The following LRCH1 variants were observed in gnomAD, a reference collection of about 807,000 sequenced individuals.
LRCH1 encodes leucine-rich repeat and calponin homology domain-containing protein 1.
In LRCH1, 23 loss-of-function variants were observed where a neutral mutation model predicts 94.9. That is an observed-to-expected ratio of 0.24 (90% CI 0.17 to 0.34). LRCH1 has a LOEUF of 0.34. Among genes scored for constraint, LRCH1 ranks in the 10% least tolerant of loss-of-function variants. LRCH1 has a pLI of 1.00. For synonymous variants in LRCH1, 364 were observed against 354.9 expected, an observed-to-expected ratio of 1.03 and a Z score of -0.29; for missense variants, 790 against 945.9, an observed-to-expected ratio of 0.84 and a Z score of 2.16.
chr13:46,639,039 A>C (rs1052502260), intron 1 of LRCH1, among the ~76,000 whole-genome samples: 1 of 152,236 alleles, frequency 6.6e-6, no homozygotes, highest in Non-Finnish European at 1.5e-5. Context: ...AATCCTGGAA[A>C]AAAACTTTCT....
chr13:46,572,329 G>A (rs7323547), intron 1 of LRCH1, among the ~76,000 whole-genome samples: 24,672 of 152,104 alleles, frequency 0.16, 2,280 homozygotes, highest in African/African-American at 0.25. Context: ...TATGTTTATC[G>A]TCTTATTTGA....
chr13:46,751,760 T>C (rs890860660), exon 19 of LRCH1: 5 of 152,180 alleles, frequency 3.3e-5, no homozygotes, highest in Admixed American at 6.5e-5. Context: ...AAAAAGTTGA[T>C]TGTTGAACCA....
chr13:46,736,653 T>G (rs1873400548), intron 19 of LRCH1, among the ~76,000 whole-genome samples: 1 of 152,228 alleles, frequency 6.6e-6, no homozygotes, highest in Admixed American at 6.5e-5. Flanking sequence ...GCATCAAGCT[T>G]AATATTTGAG....
chr13:46,597,242 G>T (rs907931661), intron 1 of LRCH1, among the ~76,000 whole-genome samples: 2 of 152,136 alleles, frequency 1.3e-5, no homozygotes, highest in Non-Finnish European at 2.9e-5. Flanking sequence ...TACTGTAAAC[G>T]AGTGTCCTGG....
intron 10 of LRCH1, among the ~76,000 whole-genome samples, chr13:46,700,077 T>C (rs777628304): frequency 1.8e-4 from 27 of 152,210 alleles, no homozygotes; most frequent in Non-Finnish European, 3.2e-4. Flanking sequence ...AAATATTTAT[T>C]TAGCAAGATT....
At chr13:46,726,414 G>A (rs1227534725) in intron 17 of LRCH1, among the ~76,000 whole-genome samples, 2 of 152,086 alleles carry the variant, frequency 1.3e-5, no homozygotes, top group Admixed American at 6.5e-5. Context: ...AACAGTAATC[G>A]GCACAGACTT....
chr13:46,685,731 T>C (rs1234704210), intron 4 of LRCH1, among the ~76,000 whole-genome samples, 174 bp from the exon 5 acceptor site: 1 of 152,252 alleles, frequency 6.6e-6, no homozygotes, highest in Non-Finnish European at 1.5e-5. Flanking sequence ...TTTCCCTCTT[T>C]TGGTAAAATG....
chr13:46,712,663 T>C (rs780135648), intron 15 of LRCH1, 66 bp downstream of exon 15: 59 of 1,385,870 alleles, frequency 4.3e-5, no homozygotes, highest in Non-Finnish European at 5.6e-5. Flanking sequence ...GCCTTTTAAG[T>C]GTATGCATTA....
At position 46,642,839 on chromosome 13, in the gene LRCH1, A is replaced by G. The variant is rs1298765167; in HGVS notation, c.308-7362A>G. Among the ~76,000 whole-genome samples the G allele has an allele frequency of 3.9e-5, 6 of 152,172 alleles. No homozygotes were observed. The East Asian group carries it at 1.2e-3, about 29-fold the overall frequency. On this transcript the variant is annotated intron_variant, in intron 1 of 19. Coordinates refer to ENST00000389797, the MANE Select transcript of LRCH1 (RefSeq NM_001164211.2). ...CTTTCCCATAGCCCAGTGGGAATCA[A>G]CTGGACATCTCAAGAATCCTGATGT...
intron 1 of LRCH1, among the ~76,000 whole-genome samples, chr13:46,628,359 C>T (rs1053064015): frequency 6.6e-6 from 1 of 152,002 alleles, no homozygotes; most frequent in East Asian, 1.9e-4. Context: ...CAAGGCCAAC[C>T]GGGCATGGTG....
chr13:46,556,251 C>T (rs2050064062), intron 1 of LRCH1, among the ~76,000 whole-genome samples: 2 of 152,138 alleles, frequency 1.3e-5, no homozygotes, highest in Non-Finnish European at 1.5e-5. Context: ...CTGGCAGCCA[C>T]CTGTGCAGAA....
intron 1 of LRCH1, among the ~76,000 whole-genome samples, chr13:46,604,549 T>C (rs1198076319): frequency 1.3e-5 from 2 of 152,228 alleles, no homozygotes; most frequent in Non-Finnish European, 2.9e-5. Context: ...CTTTCTTCCC[T>C]GTGATACGGA....
intron 3 of LRCH1, among the ~76,000 whole-genome samples, chr13:46,676,403 C>G (rs2051674003): frequency 6.6e-6 from 1 of 152,192 alleles, no homozygotes; most frequent in African/African-American, 2.4e-5. Context: ...AGCAAATGGA[C>G]TTTCCTCATA....
chr13:46,670,605 G>C (rs987945033), intron 3 of LRCH1, among the ~76,000 whole-genome samples: 1 of 152,144 alleles, frequency 6.6e-6, no homozygotes, highest in African/African-American at 2.4e-5. Flanking sequence ...GCCACCAAAG[G>C]GGGTAATTCT....
chr13:46,563,816 G>T (rs1243507693), intron 1 of LRCH1, among the ~76,000 whole-genome samples: 1 of 152,160 alleles, frequency 6.6e-6, no homozygotes, highest in South Asian at 2.1e-4. Context: ...AAGGCCCAGA[G>T]AGTATAATCA....
At chr13:46,675,682 CG>C (rs1354592896) in intron 3 of LRCH1, among the ~76,000 whole-genome samples, 1 of 152,136 alleles carries the variant, frequency 6.6e-6, no homozygotes, top group Non-Finnish European at 1.5e-5. Context: ...GAGATAACAG[CG>C]GAGGCATAAA....
chr13:46,658,147 T>C (rs534941463), intron 2 of LRCH1, among the ~76,000 whole-genome samples: 1 of 152,302 alleles, frequency 6.6e-6, no homozygotes, highest in South Asian at 2.1e-4. Context: ...AGGAAGGCCT[T>C]TGTATTTTTA....
chr13:46,640,603 G>A (rs1430753901), intron 1 of LRCH1, among the ~76,000 whole-genome samples: 1 of 152,110 alleles, frequency 6.6e-6, no homozygotes, highest in Non-Finnish European at 1.5e-5. Context: ...CTTACTTTTA[G>A]TAATAAATAT....
chr13:46,595,081 G>C (rs1455458330), intron 1 of LRCH1, among the ~76,000 whole-genome samples: 1 of 152,020 alleles, frequency 6.6e-6, no homozygotes, highest in African/African-American at 2.4e-5. Flanking sequence ...TCATTCTGGG[G>C]TTTGCTTTTT....
Sources: allele counts gnomAD v4.1 joint callset (sites outside exome capture counted in the v4.1 genomes callset), GRCh38; gene constraint gnomAD v4.1.1; transcripts MANE v1.5; gene names NCBI Gene and HGNC (gene_info 2026-07-23, HGNC 2026-07-21).